SPATA9: variants seen among roughly 807,000 people sequenced by gnomAD.
SPATA9 encodes spermatogenesis-associated protein 9.
Under a neutral mutation model 25.5 loss-of-function variants are expected in SPATA9, and 27 were observed. That is an observed-to-expected ratio of 1.06 (90% CI 0.78 to 1.46). SPATA9 has a LOEUF of 1.46. Among genes scored for constraint, SPATA9 ranks in the 40% most tolerant of loss-of-function variants. The pLI, the probability that SPATA9 is intolerant of heterozygous loss-of-function variation, is 0.00. For missense variants in SPATA9, 282 were observed against 297.5 expected (o/e 0.95, Z 0.38); for synonymous variants, 102 against 105.7 (o/e 0.97, Z 0.21).
chr5:95,699,599 G>C (rs1754128609), upstream of SPATA9, among the ~76,000 whole-genome samples: 1 of 152,186 alleles, frequency 6.6e-6, no homozygotes, highest in Admixed American at 6.6e-5. Context: ...GGATATTTGA[G>C]AGGAAAATGG....
the SPATA9 span, chr5:95,717,387 A>C: frequency 2.0e-5 from 3 of 152,134 alleles, no homozygotes; most frequent in Admixed American, 2.0e-4. Flanking sequence ...CAATATATAG[A>C]TATGTGTGTG....
the SPATA9 span, chr5:95,731,732 G>A: frequency 1.2e-6 from 2 of 1,611,898 alleles, no homozygotes; most frequent in Non-Finnish European, 1.7e-6. Context: ...AGCGCGTGCC[G>A]TGCGCCCCAG....
Position 95,658,524 on chromosome 5 carries a change from CAG to C in SPATA9, c.*97_*98del. ...CCCCCTTCTCTTTTTTTTAAGAAAGCAGAGCAATTCAGAATATGTAAACTAGA... is the reference window on the plus strand; with the variant it reads ...CCCCCTTCTCTTTTTTTTAAGAAAGCAGCAATTCAGAATATGTAAACTAGA... On this transcript the variant is annotated 3_prime_UTR_variant, in exon 5 of 5. Coordinates refer to ENST00000274432, the MANE Select transcript of SPATA9 (RefSeq NM_031952.4). 1 of 1,336,772 alleles carries C rather than the reference CAG, an allele frequency of 7.5e-7. No homozygotes were observed. Among genetic ancestry groups the C allele is most frequent in the South Asian group, 1.7e-5 (1 of 59,382 alleles). 82.8% of individuals were successfully genotyped at this position (1,336,772 alleles called of 1,614,324 possible). A position where few individuals can be genotyped will look rare whatever the true frequency, so the allele number is the denominator to read the frequency against.
downstream of SPATA9, chr5:95,652,431 T>A: frequency 3.6e-6 from 5 of 1,405,592 alleles, no homozygotes; most frequent in Non-Finnish European, 4.8e-6. Flanking sequence ...TTGACATCTC[T>A]ACTTGGATGT....
At chr5:95,730,749 C>A in the SPATA9 span, 2 of 317,576 alleles carry the variant, frequency 6.3e-6, no homozygotes, top group East Asian at 1.1e-4. Flanking sequence ...GTAAATAATC[C>A]CCCCAAGGCG....
At chr5:95,706,911 A>G in the SPATA9 span, among the ~76,000 whole-genome samples, 1 of 152,088 alleles carries the variant, frequency 6.6e-6, no homozygotes. Context: ...TTAATATTAA[A>G]GAGACAATAA....
At chr5:95,699,137 T>C (rs1017876585), upstream of SPATA9, among the ~76,000 whole-genome samples, 1 of 152,218 alleles carries the variant, frequency 6.6e-6, no homozygotes, top group Non-Finnish European at 1.5e-5. Context: ...TATATTTTAA[T>C]GAAGGAACAA....
intron 3 of SPATA9, among the ~76,000 whole-genome samples, chr5:95,668,079 C>T (rs965621416): frequency 6.6e-6 from 1 of 152,150 alleles, no homozygotes; most frequent in Non-Finnish European, 1.5e-5. Context: ...AATTAAACCT[C>T]TTTTCTTTAT....
At chr5:95,656,604 TA>T (rs1367471718), downstream of SPATA9, 4 of 194,800 alleles carry the variant, frequency 2.1e-5, no homozygotes, top group Non-Finnish European at 4.1e-5. Flanking sequence ...AAATAATAGG[TA>T]AAAATTAAGG....
chr5:95,694,720 G>C (rs1753972580), intron 1 of SPATA9, among the ~76,000 whole-genome samples: 1 of 152,144 alleles, frequency 6.6e-6, no homozygotes, highest in African/African-American at 2.4e-5. Context: ...TACATGTGAA[G>C]GATTGAAGAA....
At chr5:95,656,063 G>T, downstream of SPATA9, 2 of 1,613,434 alleles carry the variant, frequency 1.2e-6, no homozygotes, top group Non-Finnish European at 8.5e-7. Context: ...ATGGACGACC[G>T]TGTATAGTTT....
the SPATA9 span, among the ~76,000 whole-genome samples, chr5:95,705,230 G>T: frequency 6.6e-6 from 1 of 152,076 alleles, no homozygotes; most frequent in African/African-American, 2.4e-5. Flanking sequence ...GCCTCCTAAA[G>T]TGCTGCGATT....
intron 3 of SPATA9, among the ~76,000 whole-genome samples, chr5:95,664,352 AAC>A (rs773236635): frequency 6.6e-6 from 1 of 152,220 alleles, no homozygotes; most frequent in East Asian, 1.9e-4. Flanking sequence ...ATATTAGAAA[AAC>A]AGTCTTTCCT....
intron 1 of SPATA9, among the ~76,000 whole-genome samples, chr5:95,696,307 C>T (rs1009849584): frequency 6.6e-6 from 1 of 151,934 alleles, no homozygotes; most frequent in African/African-American, 2.4e-5. Flanking sequence ...CTAACAATAA[C>T]ATTTTCTATG....
the SPATA9 span, chr5:95,731,288 C>G: frequency 2.8e-5 from 29 of 1,027,688 alleles, no homozygotes; most frequent in Non-Finnish European, 3.4e-5. Context: ...GCCCCGATCT[C>G]CCCGACCCCC....
At chr5:95,663,403 A>C (rs190732565) in intron 4 of SPATA9, among the ~76,000 whole-genome samples, 25 of 152,282 alleles carry the variant, frequency 1.6e-4, no homozygotes, top group Non-Finnish European at 3.2e-4. Context: ...AATTATGGTA[A>C]TGTTTTGTTT....
At chr5:95,660,434 A>G (rs1043404467) in intron 4 of SPATA9, among the ~76,000 whole-genome samples, 1 of 152,220 alleles carries the variant, frequency 6.6e-6, no homozygotes, top group Non-Finnish European at 1.5e-5. Flanking sequence ...ACCTAATTGT[A>G]CAAACCTGGG....
At chr5:95,718,100 T>C in the SPATA9 span, among the ~76,000 whole-genome samples, 2 of 152,226 alleles carry the variant, frequency 1.3e-5, no homozygotes, top group African/African-American at 2.4e-5. Flanking sequence ...TATGGACCAT[T>C]ATACAAGTCT....
chr5:95,698,204 C>T (rs914997633), intron 1 of SPATA9, among the ~76,000 whole-genome samples: 3 of 151,986 alleles, frequency 2.0e-5, no homozygotes. Context: ...GTGTGCACTG[C>T]GATCAGATGG....
Sources: allele counts gnomAD v4.1 joint callset (sites outside exome capture counted in the v4.1 genomes callset), GRCh38; gene constraint gnomAD v4.1.1; transcripts MANE v1.5; gene names NCBI Gene and HGNC (gene_info 2026-07-23, HGNC 2026-07-21).